Variants in B3GALNT2 observed in about 807,000 individuals in gnomAD.
B3GALNT2 encodes the protein beta-1,3-N-acetylgalactosaminyltransferase 2.
A neutral mutation model predicts 61.1 loss-of-function variants in B3GALNT2; 53 were observed. The observed-to-expected ratio is 0.87, with a 90% CI of 0.70 to 1.09. B3GALNT2 has a LOEUF of 1.09. B3GALNT2 is among the 50% of genes least tolerant of loss of function. The pLI is 0.00. For missense variants in B3GALNT2, 544 were observed against 623.0 expected, an observed-to-expected ratio of 0.87 and a Z score of 1.35; for synonymous variants, 223 against 237.4, an observed-to-expected ratio of 0.94 and a Z score of 0.56.
intron 3 of B3GALNT2, among the ~76,000 whole-genome samples, chr1:235,485,060 A>C (rs983712555): frequency 6.6e-6 from 1 of 152,246 alleles, no homozygotes. Flanking sequence ...ATAAAAGATA[A>C]GCATATCAAA....
chr1:235,459,574 G>A (rs1683321367), intron 7 of B3GALNT2, among the ~76,000 whole-genome samples: 1 of 152,130 alleles, frequency 6.6e-6, no homozygotes, highest in Admixed American at 6.6e-5. Context: ...AGTGAGCTAT[G>A]ATTACACCAC....
the B3GALNT2 span, among the ~76,000 whole-genome samples, chr1:235,440,468 C>G: frequency 6.6e-6 from 1 of 152,016 alleles, no homozygotes; most frequent in Non-Finnish European, 1.5e-5. Flanking sequence ...TCTCGGCTCA[C>G]TGCAACCTCT....
In B3GALNT2 at chr1:235,449,024, A is replaced by G. The variant is rs950522785; in HGVS notation, c.*1182T>C. ...TTACAGCTCATCACTGCATTTCATG[A>G]TAAGATTTAAATATTAAATAGAAAG... On this transcript the variant is annotated 3_prime_UTR_variant, in exon 12 of 12. Coordinates refer to ENST00000366600, the MANE Select transcript of B3GALNT2 (RefSeq NM_152490.5). 1.3e-5 allele frequency: 5 copies of G among 378,834 alleles called. No homozygotes were observed. Among genetic ancestry groups the G allele is most frequent in the South Asian group, 2.4e-5 (1 of 42,444 alleles). 23.5% of individuals were successfully genotyped at this position (378,834 alleles called of 1,614,324 possible).
chr1:235,504,206 G>A lies in B3GALNT2; in HGVS notation c.47C>T (p.Ala16Val), dbSNP rs1443565152. The A allele has an allele frequency of 2.8e-6, 4 of 1,434,214 alleles. No homozygotes were observed. Among genetic ancestry groups the A allele is most frequent in the Non-Finnish European group, 3.6e-6 (4 of 1,098,310 alleles). 88.8% of individuals were successfully genotyped at this position (1,434,214 alleles called of 1,614,324 possible). Reference sequence around the variant, plus strand: ...GCGCAGCCGCAGCCAGAGGTGCAGCGCGGCCCCGAGCACACACGGGCACAG... The same window carrying A: ...GCGCAGCCGCAGCCAGAGGTGCAGCACGGCCCCGAGCACACACGGGCACAG... ...VLLCPCVLGA[A>V]LHLWLRLRSP... The change falls in exon 1 of 12, where the codon GCG (alanine) becomes GTG (valine). Residue 16 changes from alanine (A) to valine (V), a missense_variant. Ala to Val is a moderately conservative substitution (Grantham distance 64, BLOSUM62 0). Coordinates refer to ENST00000366600, the MANE Select transcript of B3GALNT2 (RefSeq NM_152490.5).
chr1:235,459,570 C>T (rs551767944), intron 7 of B3GALNT2, among the ~76,000 whole-genome samples: 15 of 152,218 alleles, frequency 9.9e-5, no homozygotes, highest in African/African-American at 3.6e-4. Context: ...CTGCAGTGAG[C>T]TATGATTACA....
chr1:235,465,856 T>C (rs1683669967), intron 6 of B3GALNT2, 142 bp from the exon 7 acceptor site: 1 of 892,620 alleles, frequency 1.1e-6, no homozygotes, highest in East Asian at 2.6e-5. Flanking sequence ...TGGAGGCTTA[T>C]AATATCAGGA....
intron 7 of B3GALNT2, chr1:235,464,383 A>G (rs973576056): frequency 2.7e-4 from 41 of 152,072 alleles, no homozygotes; most frequent in African/African-American, 8.9e-4. Context: ...TTCTCTAAAG[A>G]TATACAAATG....
At chr1:235,482,124 A>G (rs1315018925) in intron 4 of B3GALNT2, among the ~76,000 whole-genome samples, 2 of 152,224 alleles carry the variant, frequency 1.3e-5, no homozygotes, top group Admixed American at 6.5e-5. Flanking sequence ...GATAGTAACT[A>G]TGAACTCTGG....
chr1:235,441,946 G>A, the B3GALNT2 span: 1 of 1,421,524 alleles, frequency 7.0e-7, no homozygotes, highest in East Asian at 2.3e-5. Flanking sequence ...AACAGTTAGT[G>A]TGTTTCTCTT....
intron 5 of B3GALNT2, among the ~76,000 whole-genome samples, chr1:235,477,685 A>G (rs1226771433): frequency 6.6e-6 from 1 of 152,112 alleles, no homozygotes; most frequent in Non-Finnish European, 1.5e-5. Context: ...TACCCACTAG[A>G]TGCCAGTATC....
intron 1 of B3GALNT2, among the ~76,000 whole-genome samples, chr1:235,500,877 T>C (rs1166502400): frequency 6.6e-6 from 1 of 152,184 alleles, no homozygotes; most frequent in Admixed American, 6.5e-5. Flanking sequence ...GAGACACAAT[T>C]AGCATATAGG....
In B3GALNT2 at chr1:235,480,081, C is replaced by T. The variant is rs914123521; in HGVS notation, c.624G>A (p.Lys208=). Residue 208 remains lysine (K), a synonymous_variant, in exon 5 of 12, where the codon AAG becomes AAA. Coordinates refer to ENST00000366600, the MANE Select transcript of B3GALNT2 (RefSeq NM_152490.5). ...CTGGTAAGATGAATTGTTCCACGGG[C>T]TTGTACCACAGCTTGTTCACCTGCA... is the stretch of plus-strand genomic sequence containing the variant. ...CGVQVNKLWY[K]PVEQFILPES... 1 of 1,613,804 alleles carries T rather than the reference C, an allele frequency of 6.2e-7. No individual in the cohort carries two copies. The highest frequency in any genetic ancestry group is 1.3e-5 in the African/African-American group (1 of 74,914).
intron 4 of B3GALNT2, among the ~76,000 whole-genome samples, chr1:235,481,446 T>C (rs1374605960): frequency 1.3e-5 from 2 of 152,112 alleles, no homozygotes; most frequent in East Asian, 3.9e-4. Context: ...TGGGCTCAAG[T>C]GATCCTCCCA....
intron 1 of B3GALNT2, among the ~76,000 whole-genome samples, chr1:235,498,840 T>C (rs1286416387): frequency 2.1e-5 from 1 of 48,424 alleles, no homozygotes; most frequent in Non-Finnish European, 3.2e-5. Context: ...CTAGACTCCT[T>C]CTCAAAAAAA....
intron 5 of B3GALNT2, among the ~76,000 whole-genome samples, chr1:235,474,950 CATATATAT>C (rs1159752267): frequency 0.017 from 663 of 39,340 alleles, 21 homozygotes; most frequent in African/African-American, 0.028. Flanking sequence ...AAATTAGAGA[CATATATAT>C]ATATATATAT....
At chr1:235,469,186 A>C (rs993376660) in intron 6 of B3GALNT2, among the ~76,000 whole-genome samples, 1 of 152,228 alleles carries the variant, frequency 6.6e-6, no homozygotes, top group African/African-American at 2.4e-5. Flanking sequence ...ACAGGTATGC[A>C]GGAAATGTTT....
chr1:235,439,815 C>A, the B3GALNT2 span, among the ~76,000 whole-genome samples: 2 of 149,984 alleles, frequency 1.3e-5, no homozygotes, highest in Non-Finnish European at 3.0e-5. Flanking sequence ...CTTTTTTTTT[C>A]TTTTGAGACA....
chr1:235,498,468 A>T (rs1485335504), intron 1 of B3GALNT2, among the ~76,000 whole-genome samples: 3 of 152,248 alleles, frequency 2.0e-5, no homozygotes, highest in African/African-American at 7.2e-5. Flanking sequence ...CCTACATTCA[A>T]ACTGACAAAT....
At chr1:235,456,226 A>G (rs971436542) in intron 8 of B3GALNT2, among the ~76,000 whole-genome samples, 2 of 152,208 alleles carry the variant, frequency 1.3e-5, no homozygotes, top group Admixed American at 6.5e-5. Context: ...TAGCAATTAA[A>G]CCATTATAAA....
Sources: gnomAD v4.1 joint callset for allele counts (sites outside exome capture counted in the v4.1 genomes callset) on GRCh38, gnomAD v4.1.1 for gene constraint, MANE v1.5 for transcripts, NCBI Gene and HGNC (gene_info 2026-07-23, HGNC 2026-07-21) for gene names.